The following SLC1A2 variants were observed in gnomAD, a reference collection of about 807,000 sequenced individuals.
The protein encoded by SLC1A2 is solute carrier family 1 member 2.
SLC1A2 carries 15 observed loss-of-function variants against 48.8 expected under a neutral mutation model. The observed-to-expected ratio is 0.31, with a 90% CI of 0.21 to 0.47. The LOEUF (loss-of-function observed/expected upper bound fraction) is 0.47, where lower values mean the gene tolerates loss of function less well. SLC1A2 is among the 20% of genes least tolerant of loss of function. SLC1A2 has a pLI of 0.99. For synonymous variants in SLC1A2, 279 were observed against 272.6 expected, an observed-to-expected ratio of 1.02 and a Z score of -0.23; for missense variants, 502 against 730.5, an observed-to-expected ratio of 0.69 and a Z score of 3.61.
At chr11:35,359,993 C>T in intron 1 of SLC1A2, 2 of 595,996 alleles carry the variant, frequency 3.4e-6, no homozygotes, top group Non-Finnish European at 4.2e-6. Flanking sequence ...TGATTCCTCC[C>T]TTCTCATCAC....
chr11:35,344,680 A>G (rs1279186000), intron 1 of SLC1A2, among the ~76,000 whole-genome samples: 3 of 152,334 alleles, frequency 2.0e-5, no homozygotes, highest in African/African-American at 7.2e-5. Flanking sequence ...CATCCCTCAC[A>G]TGGTGAAAGA....
At chr11:35,314,785 C>CTTTTTTTTTT (rs5791048) in intron 3 of SLC1A2, among the ~76,000 whole-genome samples, 2 of 141,046 alleles carry the variant, frequency 1.4e-5, no homozygotes, top group Non-Finnish European at 3.0e-5. Context: ...CTTTTCTTTT[C>CTTTTTTTTTT]TTTTTTTTTT....
chr11:35,411,272 T>C (rs1923289), intron 1 of SLC1A2, among the ~76,000 whole-genome samples: 1 of 152,180 alleles, frequency 6.6e-6, no homozygotes, highest in Non-Finnish European at 1.5e-5. Flanking sequence ...GAAAAAATGA[T>C]AGCTGAACCA....
At chr11:35,311,412 G>A (rs1388551570) in intron 4 of SLC1A2, among the ~76,000 whole-genome samples, 1 of 152,074 alleles carries the variant, frequency 6.6e-6, no homozygotes, top group African/African-American at 2.4e-5. Context: ...CCCCTGCCTC[G>A]GCCTCTCGAA....
At chr11:35,268,218 C>G (rs1850159706) in intron 9 of SLC1A2, among the ~76,000 whole-genome samples, 1 of 152,094 alleles carries the variant, frequency 6.6e-6, no homozygotes, top group South Asian at 2.1e-4. Context: ...TGCAAAATTC[C>G]AAAGAATGCT....
At chr11:35,308,668 TG>T (rs1271839306) in intron 4 of SLC1A2, among the ~76,000 whole-genome samples, 1 of 152,184 alleles carries the variant, frequency 6.6e-6, no homozygotes, top group African/African-American at 2.4e-5. Context: ...AGAGACCTCA[TG>T]GCCTAATCAC....
intron 8 of SLC1A2, among the ~76,000 whole-genome samples, chr11:35,284,110 T>TATATATATATATATAA (rs539270363): frequency 4.1e-4 from 58 of 141,176 alleles, no homozygotes; most frequent in African/African-American, 1.5e-3. Context: ...TATATATATA[T>TATATATATATATATAA]AAATTATTAT....
chr11:35,378,248 T>C (rs1854304736), intron 1 of SLC1A2, among the ~76,000 whole-genome samples: 1 of 152,252 alleles, frequency 6.6e-6, no homozygotes, highest in Non-Finnish European at 1.5e-5. Context: ...CAAATCACAG[T>C]GGCTTGATGC....
upstream of SLC1A2, chr11:35,420,114 C>G: frequency 1.5e-5 from 3 of 195,130 alleles, no homozygotes; most frequent in Non-Finnish European, 2.2e-5. Context: ...GGGCGGCGGG[C>G]GGGGTGCAGG....
chr11:35,312,071 G>A (rs1009453427), intron 4 of SLC1A2, 127 bp downstream of exon 4: 1 of 946,600 alleles, frequency 1.1e-6, no homozygotes, highest in African/African-American at 1.6e-5. Context: ...GAATCCCTGG[G>A]CCTAGACAGA....
chr11:35,398,598 C>G (rs1190266591), intron 1 of SLC1A2, among the ~76,000 whole-genome samples: 3 of 152,106 alleles, frequency 2.0e-5, no homozygotes, highest in Non-Finnish European at 4.4e-5. Context: ...AACCTGTATA[C>G]CAAACCCCTG....
At chr11:35,414,816 T>C (rs553915165) in intron 1 of SLC1A2, among the ~76,000 whole-genome samples, 1 of 152,358 alleles carries the variant, frequency 6.6e-6, no homozygotes, top group South Asian at 2.1e-4. Context: ...ATCAGTGTTT[T>C]AGTAGATTAA....
rs1292862461 is a variant in SLC1A2 at position 35,306,252 on chromosome 11, T to C, written c.562-10A>G. ...TCGTCACTGTTTGAATCTAACAGAG[T>C]GAGGGAAAAAAGGCATAGAGCTGAG... On this transcript the variant is annotated splice_polypyrimidine_tract_variant and intron_variant, in intron 4 of 10. Coordinates refer to ENST00000278379, the MANE Select transcript of SLC1A2 (RefSeq NM_004171.4). The C allele has an allele frequency of 6.2e-7, 1 of 1,600,994 alleles. No homozygotes were observed. Among genetic ancestry groups the C allele is most frequent in the Non-Finnish European group, 8.5e-7 (1 of 1,172,928 alleles).
In SLC1A2 at chr11:35,260,637, T is replaced by C. The variant is rs1039950404; in HGVS notation, c.*257A>G. ...GCAAGAACGTGTCTTCAATTCCAAC[T>C]GATTCCTCCAGCAGCATCCATTCAA... On this transcript the variant is annotated 3_prime_UTR_variant, in exon 11 of 11. Coordinates refer to ENST00000278379, the MANE Select transcript of SLC1A2 (RefSeq NM_004171.4). 3.0e-5 allele frequency: 13 copies of C among 438,622 alleles called. No homozygotes were observed. The East Asian group carries it at 5.5e-4, about 18-fold the overall frequency. The allele number at this position is 438,622 out of a possible 1,614,324, so 27.2% of individuals were successfully genotyped here. A position where few individuals can be genotyped will look rare whatever the true frequency, so the allele number is the denominator to read the frequency against.
At chr11:35,368,465 A>G (rs751267996) in intron 1 of SLC1A2, among the ~76,000 whole-genome samples, 5 of 152,234 alleles carry the variant, frequency 3.3e-5, no homozygotes, top group African/African-American at 9.6e-5. Context: ...TGCTCAATCA[A>G]TTATGGCTGA....
At chr11:35,293,484 G>A (rs1851075398) in intron 6 of SLC1A2, among the ~76,000 whole-genome samples, 1 of 152,124 alleles carries the variant, frequency 6.6e-6, no homozygotes, top group Non-Finnish European at 1.5e-5. Flanking sequence ...TCACTCTTGG[G>A]AAAGCTATTT....
intron 8 of SLC1A2, among the ~76,000 whole-genome samples, chr11:35,283,240 A>G (rs1850696700): frequency 6.6e-6 from 1 of 152,210 alleles, no homozygotes; most frequent in East Asian, 1.9e-4. Context: ...AATTCTATGA[A>G]TTAATAAAAA....
At chr11:35,297,977 C>T (rs1218611438) in intron 6 of SLC1A2, 2 of 152,184 alleles carry the variant, frequency 1.3e-5, no homozygotes, top group Non-Finnish European at 2.9e-5. Context: ...CCTAAAGTCA[C>T]ACAACTTGCA....
At chr11:35,378,965 A>T (rs528098965) in intron 1 of SLC1A2, among the ~76,000 whole-genome samples, 51 of 152,338 alleles carry the variant, frequency 3.3e-4, no homozygotes, top group African/African-American at 1.2e-3. Context: ...GCAGTGACTC[A>T]TGCCTGTAAT....
Sources: gnomAD v4.1 joint callset for allele counts (sites outside exome capture counted in the v4.1 genomes callset) on GRCh38, gnomAD v4.1.1 for gene constraint, MANE v1.5 for transcripts, NCBI Gene and HGNC (gene_info 2026-07-23, HGNC 2026-07-21) for gene names.